The following KCNA2 variants were observed in gnomAD, a reference collection of about 807,000 sequenced individuals.
KCNA2 encodes potassium channel, voltage gated shaker related subfamily A, member 2.
Under a neutral mutation model 33.4 loss-of-function variants are expected in KCNA2, and 11 were observed. That is an observed-to-expected ratio of 0.33 (90% CI 0.21 to 0.55). The LOEUF is 0.55. KCNA2 is among the 20% of genes least tolerant of loss of function. The probability of loss-of-function intolerance (pLI) is 0.93; values close to 1 mark genes in which losing one functional copy is unlikely to be tolerated. For synonymous variants in KCNA2, 222 were observed against 231.3 expected (o/e 0.96, Z 0.37); for missense variants, 291 against 621.6 (o/e 0.47, Z 5.66).
chr1:110,619,293 C>A (rs1650170298), intron 1 of KCNA2, among the ~76,000 whole-genome samples: 1 of 152,164 alleles, frequency 6.6e-6, no homozygotes, highest in African/African-American at 2.4e-5. Context: ...CTAGGAGATG[C>A]CTGGCACACA....
Position 110,599,682 on chromosome 1 carries a change from A to C in KCNA2, c.*3601T>G. ...GGCAATAAAATCTGTGGGCTTAGAG[A>C]ATGTTGGGGACATCTTTACCCTGGT... On this transcript the variant is annotated 3_prime_UTR_variant, in exon 3 of 3. Transcript: ENST00000316361. 3 of 985,396 alleles carry C rather than the reference A, an allele frequency of 3.0e-6. No homozygotes were observed. The highest frequency in any genetic ancestry group is 6.1e-5 in the Admixed American group (1 of 16,288). The allele number at this position is 985,396 out of a possible 1,614,324, so 61.0% of individuals were successfully genotyped here.
chr1:110,595,242 A>T lies in KCNA2; in HGVS notation c.*8041T>A. 1.4e-5 allele frequency: 14 copies of T among 985,472 alleles called. No individual in the cohort carries two copies. Among genetic ancestry groups the T allele is most frequent in the Non-Finnish European group, 1.7e-5 (14 of 829,944 alleles). 61.0% of individuals were successfully genotyped at this position (985,472 alleles called of 1,614,324 possible). On this transcript the variant is annotated 3_prime_UTR_variant, in exon 3 of 3. Coordinates refer to ENST00000316361, the MANE Select transcript of KCNA2 (RefSeq NM_004974.4). ...CAGTGGAATGATGCAGGGAGTTCTCAGCTGCAAACTCATCTGGAACATATT... is the reference window on the plus strand; with the variant it reads ...CAGTGGAATGATGCAGGGAGTTCTCTGCTGCAAACTCATCTGGAACATATT...
chr1:110,594,384 T>C lies in KCNA2; in HGVS notation c.*8899A>G. The C allele has an allele frequency of 1.0e-6, 1 of 984,834 alleles. No homozygotes were observed. Among genetic ancestry groups the C allele is most frequent in the Non-Finnish European group, 1.2e-6 (1 of 829,874 alleles). The allele number at this position is 984,834 out of a possible 1,614,324, so 61.0% of individuals were successfully genotyped here. Reference sequence around the variant, plus strand: ...ATATAAAGTCTCCAGAGGCAGCCTATATAAGCACATAAGCACACAGGTCTG... The same window carrying C: ...ATATAAAGTCTCCAGAGGCAGCCTACATAAGCACATAAGCACACAGGTCTG... On this transcript the variant is annotated 3_prime_UTR_variant, in exon 3 of 3. Transcript: ENST00000316361.
chr1:110,613,227 T>C (rs1414321206), intron 1 of KCNA2, among the ~76,000 whole-genome samples: 2 of 152,162 alleles, frequency 1.3e-5, no homozygotes, highest in Non-Finnish European at 2.9e-5. Flanking sequence ...CCACGAAGCC[T>C]TTCTTAACCC....
rs138827978 is a variant in KCNA2, at chr1:110,612,216, G to A, written c.-495-6494C>T. ...GTACAGTCACGCGTCACCTAACGAT[G>A]GAGACACATCCTGAGAAATGTGTCA... On this transcript the variant is annotated intron_variant, in intron 1 of 4. Transcript: ENST00000369770. Among the ~76,000 whole-genome samples, 438 of 152,260 alleles carry A rather than the reference G, an allele frequency of 2.9e-3. 4 individuals carry two copies. The highest frequency in any genetic ancestry group is 0.015 in the South Asian group (73 of 4,820).
At chr1:110,629,978 A>G (rs2101476445) in intron 1 of KCNA2, among the ~76,000 whole-genome samples, 1 of 151,768 alleles carries the variant, frequency 6.6e-6, no homozygotes, top group Middle Eastern at 3.5e-3. Flanking sequence ...AATGGACTCA[A>G]AAGTGAGTTA....
chr1:110,605,456 A>G lies in KCNA2; in HGVS notation c.-229T>C, dbSNP rs1459751375. 6.6e-6 allele frequency: 1 copy of G among 152,374 alleles called. No individual in the cohort carries two copies. The highest frequency in any genetic ancestry group is 1.5e-5 in the Non-Finnish European group (1 of 68,176). The allele number at this position is 152,374 out of a possible 1,614,324, so 9.4% of individuals were successfully genotyped here. On this transcript the variant is annotated 5_prime_UTR_variant, in exon 2 of 3. Coordinates refer to ENST00000316361, the MANE Select transcript of KCNA2 (RefSeq NM_004974.4). The stretch of plus-strand genomic sequence containing the variant: ...CAGATGCTGCAGGAATCTGAGATGC[A>G]CCAACAGGCAGCCCAACTCCTCATC...
intron 1 of KCNA2, among the ~76,000 whole-genome samples, chr1:110,627,699 A>G (rs1650435583): frequency 6.6e-6 from 1 of 152,122 alleles, no homozygotes; most frequent in Non-Finnish European, 1.5e-5. Flanking sequence ...AAAATAAAAC[A>G]AGAGACATCT....
At chr1:110,616,358 C>T (rs1158226972) in intron 1 of KCNA2, among the ~76,000 whole-genome samples, 1 of 152,160 alleles carries the variant, frequency 6.6e-6, no homozygotes, top group African/African-American at 2.4e-5. Flanking sequence ...CAGGTCAGCT[C>T]TGTGGGACAG....
Position 110,593,592 on chromosome 1 carries a change from A to G in KCNA2, c.*9691T>C, listed in dbSNP as rs1320767287. The G allele has an allele frequency of 8.2e-6, 2 of 244,836 alleles. No individual in the cohort carries two copies. The highest frequency in any genetic ancestry group is 1.5e-5 in the Non-Finnish European group (2 of 129,998). The allele number at this position is 244,836 out of a possible 1,614,324, so 15.2% of individuals were successfully genotyped here. ...TGAAAACCATCAGTGTCTGTCAAAA[A>G]TTTTATTTTTTTCATATCACACAGA... On this transcript the variant is annotated 3_prime_UTR_variant, in exon 3 of 3. Transcript: ENST00000316361.
chr1:110,619,081 C>T (rs1650163631), intron 1 of KCNA2, among the ~76,000 whole-genome samples: 1 of 152,150 alleles, frequency 6.6e-6, no homozygotes, highest in African/African-American at 2.4e-5. Context: ...ACCGTCTGTC[C>T]CCTGGACACC....
In KCNA2 at chr1:110,602,492, C is replaced by G. The variant is rs774467469; in HGVS notation, c.*791G>C. The G allele has an allele frequency of 1.9e-5, 22 of 1,160,124 alleles. No homozygotes were observed. Among genetic ancestry groups the G allele is most frequent in the Non-Finnish European group, 2.1e-5 (20 of 940,034 alleles). The allele number at this position is 1,160,124 out of a possible 1,614,324, so 71.9% of individuals were successfully genotyped here. On this transcript the variant is annotated 3_prime_UTR_variant, in exon 3 of 3. Transcript: ENST00000316361. ...GTGGGAAAGCAGATGTCTGCAAACT[C>G]CAGTAAGAAACCAGACATGTTTTTG...
At chr1:110,620,532 A>G (rs763546817) in intron 1 of KCNA2, among the ~76,000 whole-genome samples, 7 of 152,064 alleles carry the variant, frequency 4.6e-5, no homozygotes, top group Non-Finnish European at 8.8e-5. Flanking sequence ...AGAAGGCCAG[A>G]GAGGAGGGCT....
At chr1:110,611,046 AAG>A, upstream of KCNA2, among the ~76,000 whole-genome samples, 1 of 151,810 alleles carries the variant, frequency 6.6e-6, no homozygotes, top group Non-Finnish European at 1.5e-5. Flanking sequence ...GGAAGGAAGG[AAG>A]GAAGGAAGGA....
chr1:110,622,916 C>G (rs998581500), intron 1 of KCNA2, among the ~76,000 whole-genome samples: 1 of 152,132 alleles, frequency 6.6e-6, no homozygotes, highest in Non-Finnish European at 1.5e-5. Context: ...AATTAATCCA[C>G]ATATTCAATA....
At chr1:110,625,175 T>C (rs1214588409) in intron 1 of KCNA2, among the ~76,000 whole-genome samples, 2 of 152,176 alleles carry the variant, frequency 1.3e-5, no homozygotes, top group African/African-American at 4.8e-5. Context: ...CCCTTCAATC[T>C]TCCCAGAGCA....
At chr1:110,626,381 T>C (rs1557741414) in intron 1 of KCNA2, among the ~76,000 whole-genome samples, 1 of 151,766 alleles carries the variant, frequency 6.6e-6, no homozygotes, top group African/African-American at 2.4e-5. Flanking sequence ...TACTTTTGAG[T>C]ACAAAAATCA....
At position 110,600,701 on chromosome 1, in the gene KCNA2, T is replaced by C. The variant is rs1649302013; in HGVS notation, c.*2582A>G. 8 of 985,466 alleles carry C rather than the reference T, an allele frequency of 8.1e-6. No homozygotes were observed. The highest frequency in any genetic ancestry group is 1.1e-4 in the East Asian group (1 of 8,820). 61.0% of individuals were successfully genotyped at this position (985,466 alleles called of 1,614,324 possible). A position where few individuals can be genotyped will look rare whatever the true frequency, so the allele number is the denominator to read the frequency against. ...CTCAGATATGGGTTGCTTTACCTTC[T>C]ATTTTCCAAAGATCTGTGTCCCTCC... On this transcript the variant is annotated 3_prime_UTR_variant, in exon 3 of 3. Transcript: ENST00000316361.
In KCNA2 at chr1:110,600,847, A is replaced by G; in HGVS notation, c.*2436T>C. ...CTGGGGATGTGGGTGACCAGGCACT[A>G]ATGAGCACCCTGGGCCTAGCACCCT... On this transcript the variant is annotated 3_prime_UTR_variant, in exon 3 of 3. Transcript: ENST00000316361. 1 of 985,414 alleles carries G rather than the reference A, an allele frequency of 1.0e-6. No homozygotes were observed. Among genetic ancestry groups the G allele is most frequent in the Non-Finnish European group, 1.2e-6 (1 of 829,942 alleles). The allele number at this position is 985,414 out of a possible 1,614,324, so 61.0% of individuals were successfully genotyped here.
Sources: allele counts gnomAD v4.1 joint callset (sites outside exome capture counted in the v4.1 genomes callset), GRCh38; gene constraint gnomAD v4.1.1; transcripts MANE v1.5; gene names NCBI Gene and HGNC (gene_info 2026-07-23, HGNC 2026-07-21).